SPON1: variants seen among roughly 807,000 people sequenced by gnomAD.
SPON1 encodes spondin 1.
SPON1 carries 52 observed loss-of-function variants against 111.7 expected under a neutral mutation model. That is an observed-to-expected ratio of 0.47 (90% CI 0.37 to 0.59). The LOEUF (loss-of-function observed/expected upper bound fraction) is 0.59, where lower values mean the gene tolerates loss of function less well. Ranked by LOEUF, SPON1 falls within the 20% of genes least tolerant of loss-of-function variation. The pLI is 0.00. For missense variants in SPON1, 957 were observed against 1,068.5 expected (o/e 0.90, Z 1.46); for synonymous variants, 410 against 395.8 (o/e 1.04, Z -0.43).
chr11:14,000,042 C>T (rs1192616415), intron 2 of SPON1, among the ~76,000 whole-genome samples: 2 of 152,108 alleles, frequency 1.3e-5, no homozygotes, highest in African/African-American at 4.8e-5. Flanking sequence ...GATTTTTGCC[C>T]TGACAAATTA....
intron 6 of SPON1, among the ~76,000 whole-genome samples, chr11:14,207,270 A>C (rs1297409768): frequency 6.6e-6 from 1 of 152,186 alleles, no homozygotes; most frequent in Non-Finnish European, 1.5e-5. Flanking sequence ...TAAAGCCCAA[A>C]ACTAACCTAG....
At chr11:13,999,234 T>C (rs1056498653) in intron 2 of SPON1, among the ~76,000 whole-genome samples, 7 of 152,202 alleles carry the variant, frequency 4.6e-5, no homozygotes, top group Admixed American at 3.3e-4. Context: ...TTTATGAGTA[T>C]ATAAATGACA....
chr11:14,095,933 G>C (rs1273386592), intron 5 of SPON1, among the ~76,000 whole-genome samples: 1 of 152,142 alleles, frequency 6.6e-6, no homozygotes, highest in East Asian at 1.9e-4. Context: ...CCAATCCTGA[G>C]AAGTCTGCCC....
At chr11:14,114,901 TG>T (rs1554925839) in intron 5 of SPON1, among the ~76,000 whole-genome samples, 1 of 152,200 alleles carries the variant, frequency 6.6e-6, no homozygotes, top group African/African-American at 2.4e-5. Flanking sequence ...AGTGAATTTT[TG>T]TTAAAGTAAG....
chr11:14,204,222 C>T (rs1425303175), intron 6 of SPON1, among the ~76,000 whole-genome samples: 1 of 152,234 alleles, frequency 6.6e-6, no homozygotes, highest in African/African-American at 2.4e-5. Flanking sequence ...GGGTACAGCT[C>T]TTGGGCACAT....
intron 6 of SPON1, among the ~76,000 whole-genome samples, chr11:14,187,438 GT>G (rs1184587035): frequency 1.3e-5 from 2 of 152,010 alleles, no homozygotes; most frequent in East Asian, 3.9e-4. Flanking sequence ...CACCATATTG[GT>G]TTTTTTCATC....
At chr11:14,005,072 A>G (rs1423448596) in intron 2 of SPON1, among the ~76,000 whole-genome samples, 4 of 152,078 alleles carry the variant, frequency 2.6e-5, no homozygotes, top group Non-Finnish European at 5.9e-5. Flanking sequence ...GAAGGTTTTT[A>G]GTTTCATGTA....
intron 6 of SPON1, among the ~76,000 whole-genome samples, chr11:14,232,598 C>T (rs1464207683): frequency 6.6e-6 from 1 of 152,192 alleles, no homozygotes; most frequent in Admixed American, 6.5e-5. Context: ...CTGGATCTCA[C>T]CTTAGGGATC....
At chr11:14,074,304 A>T (rs1848899550) in intron 3 of SPON1, among the ~76,000 whole-genome samples, 1 of 152,186 alleles carries the variant, frequency 6.6e-6, no homozygotes, top group South Asian at 2.1e-4. Flanking sequence ...TTTCTTTGGA[A>T]AGTCATCCTG....
At chr11:14,158,261 A>G (rs1031860284) in intron 6 of SPON1, among the ~76,000 whole-genome samples, 7 of 152,134 alleles carry the variant, frequency 4.6e-5, no homozygotes, top group African/African-American at 1.7e-4. Context: ...TTCCTCACTT[A>G]AAGCCTGTAG....
intron 2 of SPON1, among the ~76,000 whole-genome samples, chr11:13,990,317 T>C (rs529237616): frequency 1.2e-4 from 18 of 151,424 alleles, no homozygotes; most frequent in Non-Finnish European, 2.2e-4. Flanking sequence ...CTTTGTCTCT[T>C]TTGATCTTTG....
chr11:13,993,129 C>T (rs1848244435), intron 2 of SPON1, among the ~76,000 whole-genome samples: 1 of 152,090 alleles, frequency 6.6e-6, no homozygotes, highest in Non-Finnish European at 1.5e-5. Context: ...AGAACACAGA[C>T]TCACAAAATA....
At chr11:14,005,499 C>T (rs544362268) in intron 2 of SPON1, among the ~76,000 whole-genome samples, 19 of 152,258 alleles carry the variant, frequency 1.2e-4, no homozygotes, top group East Asian at 1.2e-3. Flanking sequence ...TCATGCTCCA[C>T]GTTGAGATTT....
intron 5 of SPON1, among the ~76,000 whole-genome samples, chr11:14,132,810 C>A (rs1226957739): frequency 6.6e-6 from 1 of 152,124 alleles, no homozygotes; most frequent in Non-Finnish European, 1.5e-5. Flanking sequence ...AGTTTTGTAG[C>A]CTCCCTACCA....
intron 5 of SPON1, among the ~76,000 whole-genome samples, chr11:14,098,833 C>T (rs1294629095): frequency 1.3e-5 from 2 of 152,122 alleles, no homozygotes; most frequent in East Asian, 3.9e-4. Context: ...CCCTAGAGTC[C>T]TTTCTACCAT....
intron 1 of SPON1, among the ~76,000 whole-genome samples, chr11:13,966,275 C>T (rs1281108916): frequency 1.3e-5 from 2 of 152,114 alleles, no homozygotes; most frequent in Non-Finnish European, 2.9e-5. Flanking sequence ...CTGGCCAGGG[C>T]CTCCTTTGAA....
chr11:14,213,204 A>G (rs551451931), intron 6 of SPON1, among the ~76,000 whole-genome samples: 2 of 152,306 alleles, frequency 1.3e-5, no homozygotes, highest in African/African-American at 2.4e-5. Context: ...GAGCCCAATT[A>G]TGTTTGATTA....
intron 6 of SPON1, among the ~76,000 whole-genome samples, chr11:14,154,889 T>A (rs1193142883): frequency 1.3e-5 from 2 of 152,142 alleles, no homozygotes; most frequent in Non-Finnish European, 2.9e-5. Flanking sequence ...ATTTCTAAAT[T>A]TCTAAGATAA....
At chr11:14,103,980 CATT>C (rs1849165549) in intron 5 of SPON1, among the ~76,000 whole-genome samples, 1 of 152,090 alleles carries the variant, frequency 6.6e-6, no homozygotes, top group Non-Finnish European at 1.5e-5. Flanking sequence ...GACATAATAT[CATT>C]ATGCTCTCAT....
Sources: gnomAD v4.1 joint callset for allele counts (sites outside exome capture counted in the v4.1 genomes callset) on GRCh38, gnomAD v4.1.1 for gene constraint, MANE v1.5 for transcripts, NCBI Gene and HGNC (gene_info 2026-07-23, HGNC 2026-07-21) for gene names.